PCDHA3: variants seen among roughly 807,000 people sequenced by gnomAD.
PCDHA3 encodes the protein protocadherin alpha 3, also known as protocadherin alpha-3.
PCDHA3 carries 41 observed loss-of-function variants against 62.2 expected under a neutral mutation model. The ratio of observed to expected loss-of-function variants is 0.66; its 90% CI spans 0.51 to 0.86. The LOEUF is 0.86. Ranked by LOEUF, PCDHA3 falls within the 40% of genes least tolerant of loss-of-function variation. The pLI is 0.00. For missense variants in PCDHA3, 1,304 were observed against 1,241.2 expected, an observed-to-expected ratio of 1.05 and a Z score of -0.76; for synonymous variants, 640 against 555.4, an observed-to-expected ratio of 1.15 and a Z score of -2.14.
In PCDHA3 at chr5:140,802,609, G is replaced by C. The variant is rs1194686534; in HGVS notation, c.1412G>C (p.Gly471Ala). 5.6e-6 allele frequency: 9 copies of C among 1,613,854 alleles called. No homozygotes were observed. The highest frequency in any genetic ancestry group is 7.6e-6 in the Non-Finnish European group (9 of 1,179,968). Residue 471 changes from glycine to alanine, a missense_variant, in exon 1 of 4, where the codon GGC becomes GCC. Transcript: ENST00000522353. ...TTCGTGAAGGAGAACAACCCGCCGGGCTGCCACATCTTCACGGTGTCTGCG... is the reference window on the plus strand; with the variant it reads ...TTCGTGAAGGAGAACAACCCGCCGGCCTGCCACATCTTCACGGTGTCTGCG... Reference protein sequence around the residue: ...TVFVKENNPPGCHIFTVSARD... With the variant: ...TVFVKENNPPACHIFTVSARD...
At chr5:140,990,107 A>C (rs1359747896) in intron 3 of PCDHA3, among the ~76,000 whole-genome samples, 1 of 152,044 alleles carries the variant, frequency 6.6e-6, no homozygotes, top group East Asian at 1.9e-4. Context: ...TGAAACAGGA[A>C]ATTGAGAGCT....
At chr5:140,895,964 C>T (rs2065282764) in intron 1 of PCDHA3, among the ~76,000 whole-genome samples, 2 of 152,120 alleles carry the variant, frequency 1.3e-5, no homozygotes, top group South Asian at 4.1e-4. Flanking sequence ...GTGCCTGTCA[C>T]CAGGCCTAGC....
chr5:140,920,029 T>C (rs1584162393), intron 1 of PCDHA3, among the ~76,000 whole-genome samples: 1 of 152,118 alleles, frequency 6.6e-6, no homozygotes, highest in African/African-American at 2.4e-5. Flanking sequence ...GAGACAGAGA[T>C]TGGAGTGATG....
intron 1 of PCDHA3, chr5:140,853,738 T>A: frequency 2.0e-6 from 2 of 988,624 alleles, no homozygotes. Context: ...CATTGAATGT[T>A]CTGGTTCAAG....
intron 1 of PCDHA3, chr5:140,811,529 T>G (rs1554125761): frequency 6.6e-6 from 1 of 152,210 alleles, no homozygotes; most frequent in African/African-American, 2.4e-5. Context: ...TACCCAGTAA[T>G]GGGTCAAATG....
chr5:140,862,895 T>A, intron 1 of PCDHA3: 1 of 553,854 alleles, frequency 1.8e-6, no homozygotes, highest in South Asian at 1.4e-5. Context: ...ACGACAACTT[T>A]GTCTGCGCTG....
chr5:140,976,190 C>T (rs1402016343), intron 1 of PCDHA3, among the ~76,000 whole-genome samples: 17 of 152,040 alleles, frequency 1.1e-4, no homozygotes, highest in African/African-American at 4.1e-4. Context: ...AATCAATATC[C>T]TGGAAACTCA....
rs2150496669 is a variant in PCDHA3 at position 140,850,740 on chromosome 5, T to A, written c.2394+47149T>A. 3.1e-6 allele frequency: 5 copies of A among 1,597,562 alleles called. 1 individual carries two copies. The highest frequency in any genetic ancestry group is 3.4e-6 in the Non-Finnish European group (4 of 1,167,476). On this transcript the variant is annotated intron_variant, in intron 1 of 3. Coordinates refer to ENST00000522353, the MANE Select transcript of PCDHA3 (RefSeq NM_018906.3). Reference sequence around the variant, plus strand: ...GTGTTCTAGCGCGGTGGGGAGTTGGTCGTACTCGCAGCAGAGGAGGCAGAG... The same window carrying A: ...GTGTTCTAGCGCGGTGGGGAGTTGGACGTACTCGCAGCAGAGGAGGCAGAG...
chr5:140,863,123 GCCACCGCCTGCTGGTGCTGGTGAAGGA>G, intron 1 of PCDHA3: 1 of 593,078 alleles, frequency 1.7e-6, no homozygotes, highest in Non-Finnish European at 3.3e-6. Context: ...AAAGCTACGC[GCCACCGCCTGCTGGTGCTGGTGAAGGA>G]CCACTGCGAG....
intron 1 of PCDHA3, chr5:140,824,242 G>C (rs2150133483): frequency 1.3e-6 from 2 of 1,484,408 alleles, no homozygotes; most frequent in Non-Finnish European, 1.9e-6. Flanking sequence ...AAATATTGTG[G>C]TACACAATTA....
At chr5:140,829,846 G>T in intron 1 of PCDHA3, 1 of 1,613,940 alleles carries the variant, frequency 6.2e-7, no homozygotes, top group Non-Finnish European at 8.5e-7. Flanking sequence ...CGCGGTCACT[G>T]GGTGCAGGCC....
At chr5:140,836,094 G>T (rs150822529) in intron 1 of PCDHA3, 1 of 1,613,590 alleles carries the variant, frequency 6.2e-7, no homozygotes, top group Non-Finnish European at 8.5e-7. Flanking sequence ...GCCTCGGGTG[G>T]GTGGCACTGG....
intron 1 of PCDHA3, among the ~76,000 whole-genome samples, chr5:140,958,399 T>C (rs1554223458): frequency 6.6e-6 from 1 of 152,178 alleles, no homozygotes; most frequent in African/African-American, 2.4e-5. Flanking sequence ...CATCAAACAT[T>C]ATCACTGATG....
chr5:140,965,353 A>C (rs1255008521), intron 1 of PCDHA3, among the ~76,000 whole-genome samples: 1 of 152,172 alleles, frequency 6.6e-6, no homozygotes, highest in Non-Finnish European at 1.5e-5. Flanking sequence ...TTGCCTCTAT[A>C]GCAGTACAAG....
chr5:140,915,513 A>T (rs2077156707), intron 1 of PCDHA3, among the ~76,000 whole-genome samples: 2 of 152,124 alleles, frequency 1.3e-5, no homozygotes, highest in African/African-American at 2.4e-5. Context: ...GTTTTTGCAG[A>T]CTAGTAGAGG....
rs921095598 is a variant in PCDHA3 at position 140,929,476 on chromosome 5, T to C, written c.2395-49473T>C. 1.0e-5 allele frequency: 13 copies of C among 1,254,174 alleles called. No individual in the cohort carries two copies. In the African/African-American group the frequency reaches 2.0e-4, roughly 19 times the overall value. 77.7% of individuals were successfully genotyped at this position (1,254,174 alleles called of 1,614,324 possible). On this transcript the variant is annotated intron_variant, in intron 1 of 3. Coordinates refer to ENST00000522353, the MANE Select transcript of PCDHA3 (RefSeq NM_018906.3). ...CTTCCTGTGCCAAGAAATCTGGAAG[T>C]ATAGAAGTATTAGAAGATTGCCCTA...
rs1482950920 is a variant in PCDHA3 at position 140,867,382 on chromosome 5, CG to C, written c.2394+63793del. On this transcript the variant is annotated intron_variant, in intron 1 of 3. Coordinates refer to ENST00000522353, the MANE Select transcript of PCDHA3 (RefSeq NM_018906.3). ...TTTTACAGATGCGTAATGGAATTAA[CG>C]GTTATAAAAGTTGATATGTCTCCTT... 4 of 152,124 alleles carry C rather than the reference CG, an allele frequency of 2.6e-5. No individual in the cohort carries two copies. In the East Asian group the frequency reaches 7.7e-4, roughly 29 times the overall value. 9.4% of individuals were successfully genotyped at this position (152,124 alleles called of 1,614,324 possible).
chr5:140,823,462 G>A, intron 1 of PCDHA3: 3 of 1,613,462 alleles, frequency 1.9e-6, no homozygotes, highest in Non-Finnish European at 2.5e-6. Context: ...CAACGCGCCG[G>A]CGCTGCTGGT....
intron 1 of PCDHA3, chr5:140,869,690 T>A (rs902099652): frequency 6.2e-7 from 1 of 1,613,456 alleles, no homozygotes. Context: ...TCACTTATTT[T>A]AAAGAAGTCT....
Sources: allele counts gnomAD v4.1 joint callset (sites outside exome capture counted in the v4.1 genomes callset), GRCh38; gene constraint gnomAD v4.1.1; transcripts MANE v1.5; gene names NCBI Gene and HGNC (gene_info 2026-07-23, HGNC 2026-07-21).